Variants in SGIP1 observed in about 807,000 individuals in gnomAD.
The protein encoded by SGIP1 is SH3-containing GRB2-like protein 3-interacting protein 1.
SGIP1 carries 38 observed loss-of-function variants against 107.5 expected under a neutral mutation model. That is an observed-to-expected ratio of 0.35 (90% CI 0.27 to 0.46). The LOEUF is 0.46. Ranked by LOEUF, SGIP1 falls within the 20% of genes least tolerant of loss-of-function variation. The pLI, the probability that SGIP1 is intolerant of heterozygous loss-of-function variation, is 1.00. For missense variants in SGIP1, 929 were observed against 1,019.5 expected, an observed-to-expected ratio of 0.91 and a Z score of 1.21; for synonymous variants, 365 against 366.1, an observed-to-expected ratio of 1.00 and a Z score of 0.03.
At position 66,692,932 on chromosome 1, in the gene SGIP1, G is replaced by A. The variant is rs568916051; in HGVS notation, c.1571-2502G>A. Among the ~76,000 whole-genome samples the A allele has an allele frequency of 3.3e-5, 5 of 152,204 alleles. No individual in the cohort carries two copies. In the East Asian group the frequency reaches 5.8e-4, roughly 18 times the overall value. Reference sequence around the variant, plus strand: ...GGACTTTTTGTGTATTGTCACACTCGAATGAAGAAGAGCTCCTATACAACT... The same window carrying A: ...GGACTTTTTGTGTATTGTCACACTCAAATGAAGAAGAGCTCCTATACAACT... On this transcript the variant is annotated intron_variant, in intron 17 of 24. Coordinates refer to ENST00000371037, the MANE Select transcript of SGIP1 (RefSeq NM_032291.4).
chr1:66,729,758 C>T (rs1474329039), intron 20 of SGIP1, among the ~76,000 whole-genome samples: 1 of 152,128 alleles, frequency 6.6e-6, no homozygotes, highest in East Asian at 1.9e-4. Context: ...GGGAAATGAG[C>T]CAAATAACAA....
intron 23 of SGIP1, 109 bp downstream of exon 23, chr1:66,740,831 C>T: frequency 1.4e-6 from 1 of 699,324 alleles, no homozygotes; most frequent in Non-Finnish European, 2.4e-6. Flanking sequence ...CAGAATATTT[C>T]ACTCCATTTT....
chr1:66,633,374 A>G (rs1197081865), intron 3 of SGIP1, among the ~76,000 whole-genome samples: 3 of 152,182 alleles, frequency 2.0e-5, no homozygotes, highest in African/African-American at 7.2e-5. Flanking sequence ...GGCTGCTCCC[A>G]TCAACTGTTA....
intron 1 of SGIP1, among the ~76,000 whole-genome samples, chr1:66,557,280 C>T (rs1557875772): frequency 6.6e-6 from 1 of 152,060 alleles, no homozygotes; most frequent in South Asian, 2.1e-4. Context: ...TGACATAAGG[C>T]TTTTGGAATT....
chr1:66,672,028 C>T, intron 11 of SGIP1, 33 bp downstream of exon 11: 1 of 1,603,264 alleles, frequency 6.2e-7, no homozygotes, highest in Non-Finnish European at 8.5e-7. Flanking sequence ...GTGTTTTATG[C>T]AAGGCATCAT....
intron 7 of SGIP1, among the ~76,000 whole-genome samples, chr1:66,645,408 C>T (rs972949056): frequency 1.3e-5 from 2 of 152,162 alleles, no homozygotes; most frequent in South Asian, 2.1e-4. Flanking sequence ...AAGCTCTTCT[C>T]AACATCTATT....
intron 1 of SGIP1, among the ~76,000 whole-genome samples, chr1:66,584,075 A>G (rs900275258): frequency 1.3e-5 from 2 of 152,070 alleles, no homozygotes; most frequent in African/African-American, 4.8e-5. Flanking sequence ...GCTTTTATTT[A>G]TCTTTGAAAT....
intron 1 of SGIP1, among the ~76,000 whole-genome samples, chr1:66,565,286 C>T (rs1157443468): frequency 2.0e-5 from 3 of 151,992 alleles, no homozygotes; most frequent in African/African-American, 7.2e-5. Context: ...AATAATTTAT[C>T]CCTTTTCTTT....
chr1:66,645,243 C>T (rs1422419440), intron 7 of SGIP1, among the ~76,000 whole-genome samples: 1 of 152,104 alleles, frequency 6.6e-6, no homozygotes, highest in Non-Finnish European at 1.5e-5. Context: ...CGGCACAGTC[C>T]CAGAAACATA....
chr1:66,594,259 A>C (rs917719376), intron 1 of SGIP1, among the ~76,000 whole-genome samples: 2 of 152,198 alleles, frequency 1.3e-5, no homozygotes, highest in African/African-American at 4.8e-5. Flanking sequence ...CTTAACACTT[A>C]TTTAGTCCCC....
At chr1:66,674,463 G>A (rs1423329992) in intron 12 of SGIP1, among the ~76,000 whole-genome samples, 1 of 152,110 alleles carries the variant, frequency 6.6e-6, no homozygotes, top group Non-Finnish European at 1.5e-5. Flanking sequence ...GGGGCACCAT[G>A]GTAAATGTAT....
At chr1:66,739,299 C>A in intron 21 of SGIP1, 36 bp from the exon 22 acceptor site, 2 of 1,597,502 alleles carry the variant, frequency 1.3e-6, no homozygotes, top group South Asian at 1.1e-5. Flanking sequence ...ACATCCCTGT[C>A]ATATGTTGTT....
intron 7 of SGIP1, among the ~76,000 whole-genome samples, chr1:66,646,485 A>T (rs1486488186): frequency 6.6e-6 from 1 of 152,190 alleles, no homozygotes; most frequent in Non-Finnish European, 1.5e-5. Context: ...GTTTCTTTTG[A>T]AGTTTTTAAG....
At chr1:66,545,513 A>T (rs1199459186) in intron 1 of SGIP1, among the ~76,000 whole-genome samples, 2 of 152,160 alleles carry the variant, frequency 1.3e-5, no homozygotes, top group Admixed American at 1.3e-4. Flanking sequence ...AGGAAAGTGG[A>T]TGTGACGATA....
chr1:66,673,211 C>T (rs2084279625), intron 11 of SGIP1, 70 bp from the exon 12 acceptor site: 1 of 1,468,702 alleles, frequency 6.8e-7, no homozygotes, highest in Non-Finnish European at 9.5e-7. Context: ...TATGTGAAAG[C>T]TTGTATATCT....
chr1:66,539,823 C>A (rs2054484663), intron 1 of SGIP1, among the ~76,000 whole-genome samples: 1 of 152,136 alleles, frequency 6.6e-6, no homozygotes, highest in Non-Finnish European at 1.5e-5. Context: ...AAACATATAT[C>A]CTGGGCTACT....
intron 1 of SGIP1, among the ~76,000 whole-genome samples, chr1:66,577,816 G>A (rs1008414594): frequency 6.7e-6 from 1 of 149,664 alleles, no homozygotes; most frequent in African/African-American, 2.5e-5. Context: ...TACCCAAAAA[G>A]AAGAGGAGGA....
intron 18 of SGIP1, among the ~76,000 whole-genome samples, chr1:66,713,894 C>G (rs921660877): frequency 3.3e-5 from 5 of 152,076 alleles, no homozygotes; most frequent in African/African-American, 1.2e-4. Flanking sequence ...ATTAGGCACA[C>G]ATGCGCAGAT....
At chr1:66,549,964 G>T (rs898888959) in intron 1 of SGIP1, among the ~76,000 whole-genome samples, 5 of 152,146 alleles carry the variant, frequency 3.3e-5, no homozygotes, top group African/African-American at 1.2e-4. Flanking sequence ...CCAGAAGGAA[G>T]CAGGAATCTT....
Sources: gnomAD v4.1 joint callset for allele counts (sites outside exome capture counted in the v4.1 genomes callset) on GRCh38, gnomAD v4.1.1 for gene constraint, MANE v1.5 for transcripts, NCBI Gene and HGNC (gene_info 2026-07-23, HGNC 2026-07-21) for gene names.